Variants in GBF1 observed in about 807,000 individuals in gnomAD.
The protein encoded by GBF1 is Golgi-specific brefeldin A-resistance guanine nucleotide exchange factor 1.
In GBF1, 114 loss-of-function variants were observed where a neutral mutation model predicts 210.5. The observed-to-expected ratio is 0.54, with a 90% CI of 0.47 to 0.63. The LOEUF (loss-of-function observed/expected upper bound fraction) is 0.63, where lower values mean the gene tolerates loss of function less well. Among genes scored for constraint, GBF1 ranks in the 30% least tolerant of loss-of-function variants. The pLI is 0.00. For missense variants in GBF1, 1,851 were observed against 2,357.7 expected (o/e 0.79, Z 4.45); for synonymous variants, 850 against 889.2 (o/e 0.96, Z 0.78).
chr10:102,333,386 G>A (rs2057475879), intron 3 of GBF1, among the ~76,000 whole-genome samples: 2 of 152,000 alleles, frequency 1.3e-5, no homozygotes, highest in South Asian at 2.1e-4. Context: ...ATAAACGAAG[G>A]TATGGGAGGT....
At chr10:102,283,778 A>G (rs1248260167) in intron 3 of GBF1, among the ~76,000 whole-genome samples, 1 of 152,250 alleles carries the variant, frequency 6.6e-6, no homozygotes, top group Non-Finnish European at 1.5e-5. Context: ...TCTCTTATTC[A>G]GAATGCAAAA....
chr10:102,342,947 G>GT (rs142660232), intron 3 of GBF1, among the ~76,000 whole-genome samples: 2,137 of 152,272 alleles, frequency 0.014, 40 homozygotes, highest in Non-Finnish European at 0.02. Flanking sequence ...GGTTTTACAA[G>GT]TTTTAAAACC....
intron 9 of GBF1, 99 bp downstream of exon 9, chr10:102,358,285 G>T: frequency 8.9e-7 from 1 of 1,127,400 alleles, no homozygotes. Context: ...AGGGGCTTTG[G>T]TCTTGGCGCT....
intron 3 of GBF1, among the ~76,000 whole-genome samples, chr10:102,293,764 G>GTTTTTTTTTTTATTTTTTTTTTTTTTTT (rs1263151407): frequency 2.0e-5 from 1 of 50,888 alleles, no homozygotes; most frequent in African/African-American, 5.7e-5. Context: ...GCTGTAGTAT[G>GTTTTTTTTTTTATTTTTTTTTTTTTTTT]TTTTGTGTTT....
intron 13 of GBF1, 51 bp downstream of exon 13, chr10:102,361,171 A>G (rs2059582434): frequency 2.1e-6 from 2 of 955,008 alleles, no homozygotes; most frequent in African/African-American, 1.6e-5. Context: ...AGGGAGATAT[A>G]TGGCATCTTC....
At chr10:102,332,387 CT>C (rs60505127) in intron 3 of GBF1, among the ~76,000 whole-genome samples, 143 of 143,106 alleles carry the variant, frequency 1.0e-3, no homozygotes, top group Middle Eastern at 3.6e-3. Flanking sequence ...TGTAATTTGC[CT>C]TTTTTTTTTT....
intron 3 of GBF1, among the ~76,000 whole-genome samples, chr10:102,284,593 A>G (rs2075789580): frequency 6.6e-6 from 1 of 152,216 alleles, no homozygotes; most frequent in Admixed American, 6.5e-5. Flanking sequence ...ATGAATCAGC[A>G]CTTCAATTCT....
At chr10:102,259,927 C>T in intron 2 of GBF1, 123 bp from the exon 3 acceptor site, 1 of 615,970 alleles carries the variant, frequency 1.6e-6, no homozygotes, top group Non-Finnish European at 2.9e-6. Context: ...TTTTCTTTTC[C>T]TCAGAAGGAA....
intron 4 of GBF1, 64 bp from the exon 5 acceptor site, chr10:102,351,192 G>T: frequency 1.1e-6 from 1 of 916,230 alleles, no homozygotes; most frequent in Non-Finnish European, 1.8e-6. Flanking sequence ...AGCTAGACAG[G>T]CTGCCTTACC....
the GBF1 span, among the ~76,000 whole-genome samples, chr10:102,233,111 ATTATT>A: frequency 4.6e-5 from 7 of 151,570 alleles, no homozygotes; most frequent in Admixed American, 4.6e-4. Flanking sequence ...TTCTTTTATT[ATTATT>A]TTATTTTTCT....
the GBF1 span, chr10:102,231,970 C>T: frequency 6.2e-7 from 1 of 1,608,872 alleles, no homozygotes; most frequent in Non-Finnish European, 8.5e-7. Context: ...TACCGCTGTG[C>T]TCCTGGCCCT....
intron 19 of GBF1, 46 bp from the exon 20 acceptor site, chr10:102,367,039 T>A: frequency 1.2e-6 from 2 of 1,608,496 alleles, no homozygotes; most frequent in Non-Finnish European, 1.7e-6. Flanking sequence ...AGGGTTTAAT[T>A]GGCCAGAGAA....
In GBF1 at chr10:102,368,234, A is replaced by C; in HGVS notation, c.2659A>C (p.Met887Leu). 1 of 1,612,644 alleles carries C rather than the reference A, an allele frequency of 6.2e-7. No individual in the cohort carries two copies. The highest frequency in any genetic ancestry group is 1.7e-5 in the Admixed American group (1 of 60,030). ...YHAIKNEEIV[M>L]PEEQTGLVRE... ...TCCTGACAGGAATGAGGAAATTGTA[A>C]TGCCTGAGGAGCAGACAGGCTTGGT... Residue 887 changes from methionine to leucine, a missense_variant, in exon 22 of 40, where the codon ATG becomes CTG. Physicochemically the swap from Met to Leu is conservative, Grantham distance 15. Transcript: ENST00000369983.
chr10:102,230,721 G>A, the GBF1 span: 1 of 1,521,270 alleles, frequency 6.6e-7, no homozygotes, highest in Admixed American at 2.2e-5. Context: ...GGCAGGACAC[G>A]GCCCCGGAGG....
At chr10:102,231,884 G>C in the GBF1 span, 20 of 1,562,154 alleles carry the variant, frequency 1.3e-5, no homozygotes, top group South Asian at 5.5e-5. Flanking sequence ...GGCTCCCACC[G>C]GGGCTGCCCA....
chr10:102,377,093 G>A lies in GBF1; in HGVS notation c.4447G>A (p.Gly1483Ser). The A allele has an allele frequency of 1.2e-6, 2 of 1,614,162 alleles. No homozygotes were observed. Among genetic ancestry groups the A allele is most frequent in the South Asian group, 2.2e-5 (2 of 91,080 alleles). The change falls in exon 33 of 40, where the codon GGC (glycine) becomes AGC (serine). Residue 1483 changes from glycine to serine, a missense_variant. Transcript: ENST00000369983. The part of the protein sequence containing the change: ...GGQSDDDEDE[G>S]VPASYHTVSL... Reference sequence around the variant, plus strand: ...GCAGAGTGATGATGATGAGGACGAAGGCGTGCCTGCCAGCTACCATACGGT... The same window carrying A: ...GCAGAGTGATGATGATGAGGACGAAAGCGTGCCTGCCAGCTACCATACGGT...
chr10:102,316,725 C>A (rs187188116), intron 3 of GBF1, among the ~76,000 whole-genome samples: 14 of 152,260 alleles, frequency 9.2e-5, no homozygotes, highest in Non-Finnish European at 1.9e-4. Flanking sequence ...TAAAATAAGA[C>A]CCAGAAAATT....
chr10:102,232,677 G>A, the GBF1 span, among the ~76,000 whole-genome samples: 1 of 150,082 alleles, frequency 6.7e-6, no homozygotes, highest in Non-Finnish European at 1.5e-5. Flanking sequence ...GCAAGATGCT[G>A]TCTCAAAAAA....
intron 8 of GBF1, 113 bp downstream of exon 8, chr10:102,353,767 T>C (rs988717871): frequency 1.4e-6 from 1 of 732,912 alleles, no homozygotes; most frequent in Non-Finnish European, 2.4e-6. Context: ...ACAGGTCTGC[T>C]TGGAATCTAG....
Sources: gnomAD v4.1 joint callset for allele counts (sites outside exome capture counted in the v4.1 genomes callset) on GRCh38, gnomAD v4.1.1 for gene constraint, MANE v1.5 for transcripts, NCBI Gene and HGNC (gene_info 2026-07-23, HGNC 2026-07-21) for gene names.